The following AARS2 variants were observed in gnomAD, a reference collection of about 807,000 sequenced individuals.
AARS2 encodes alanine--tRNA ligase, mitochondrial.
AARS2 carries 78 observed loss-of-function variants against 119.7 expected under a neutral mutation model. The observed-to-expected ratio is 0.65, with a 90% confidence interval of 0.54 to 0.79. The LOEUF (loss-of-function observed/expected upper bound fraction) is 0.79. AARS2 is among the 30% of genes least tolerant of loss of function. The probability of loss-of-function intolerance (pLI) is 0.00; values close to 1 mark genes in which losing one functional copy is unlikely to be tolerated. For missense variants in AARS2, 1,157 were observed against 1,291.3 expected, an observed-to-expected ratio of 0.90 and a Z score of 1.59; for synonymous variants, 502 against 526.3, an observed-to-expected ratio of 0.95 and a Z score of 0.63.
chr6:44,300,897 A>G, intron 21 of AARS2, 186 bp from the exon 22 acceptor site: 1 of 781,856 alleles, frequency 1.3e-6, no homozygotes, highest in South Asian at 1.6e-5. Context: ...AGGTGTATGA[A>G]CGTGAACATC....
chr6:44,305,130 C>T lies in AARS2; in HGVS notation c.1503G>A (p.Glu501=), dbSNP rs1785726904. Residue 501 remains glutamate, a synonymous_variant, in exon 11 of 22, where the codon GAG becomes GAA. Transcript: ENST00000244571. The surrounding 1 kb of genome is among the most constrained non-coding windows in gnomAD (Gnocchi z 4.6). The stretch of plus-strand genomic sequence containing the variant: ...TTGGGGGCACTCCTTGGCGCTGCAG[C>T]TCCCCAAGCGCATGGACATCAAGCC... ...GLWLDVHALG[E]LQRQGVPPTD... is the part of the protein sequence containing the mutation. 1.9e-6 allele frequency: 3 copies of T among 1,613,834 alleles called. No individual in the cohort carries two copies. Among genetic ancestry groups the T allele is most frequent in the Non-Finnish European group, 2.5e-6 (3 of 1,180,044 alleles).
chr6:44,302,368 G>A (rs1785433705), intron 18 of AARS2, 23 bp downstream of exon 18: 4 of 1,614,010 alleles, frequency 2.5e-6, no homozygotes, highest in Non-Finnish European at 3.4e-6. Context: ...AGGAGAGGGT[G>A]GGGTGGTAGG....
rs376016809 is a variant in AARS2, at chr6:44,306,944, T to A, written c.1128A>T (p.Val376=). ...TTACCAGTGTCTCCACCACTACAGGTACCAGGCTGCCTAGGAAGCCAGGTG... is the reference window on the plus strand; with the variant it reads ...TTACCAGTGTCTCCACCACTACAGGAACCAGGCTGCCTAGGAAGCCAGGTG... The part of the protein sequence containing the change: ...KAPPGFLGSL[V]PVVVETLGDA... Residue 376 remains valine, a synonymous_variant, in exon 7 of 22, where the codon GTA becomes GTT. Transcript: ENST00000244571. 10 of 1,613,868 alleles carry A rather than the reference T, an allele frequency of 6.2e-6. No individual in the cohort carries two copies. The highest frequency in any genetic ancestry group is 7.6e-6 in the Non-Finnish European group (9 of 1,179,820).
intron 1 of AARS2, 96 bp downstream of exon 1, chr6:44,312,985 A>G (rs889225431): frequency 1.3e-5 from 20 of 1,560,158 alleles, no homozygotes; most frequent in Non-Finnish European, 1.6e-5. Context: ...AAAAGCTACG[A>G]ACTCCGCCTC....
Position 44,306,335 on chromosome 6 carries a change from A to G in AARS2, c.1245T>C (p.Gly415=). 6.2e-7 allele frequency: 1 copy of G among 1,614,014 alleles called. No homozygotes were observed. Among genetic ancestry groups the G allele is most frequent in the South Asian group, 1.1e-5 (1 of 91,080 alleles). The change falls in exon 9 of 22, where the codon GGT becomes GGC. Residue 415 remains glycine (G), a synonymous_variant. Coordinates refer to ENST00000244571, the MANE Select transcript of AARS2 (RefSeq NM_020745.4). ...EAAFLASLER[G]RRIIDRTLRT... ...TCAGAGTCCGATCAATGATCCGCCT[A>G]CCCCGCTCCAGGGAGGCCAGGAAGG...
chr6:44,304,476 C>T lies in AARS2; in HGVS notation c.1810G>A (p.Ala604Thr). 6.2e-7 allele frequency: 1 copy of T among 1,614,188 alleles called. No homozygotes were observed. Residue 604 changes from alanine to threonine, a missense_variant, in exon 13 of 22, where the codon GCA (alanine) becomes ACA (threonine). Ala to Thr is a moderately conservative substitution (Grantham distance 58). Transcript: ENST00000244571. ...QVCGGFILHE[A>T]VAPECLRLGD... ...AACCGCAGGCACTCAGGGGCTACTG[C>T]CTCATGCAGGATGAAACCTCCACAG...
chr6:44,305,933 G>A lies in AARS2; in HGVS notation c.1301-147C>T. 1 of 1,014,976 alleles carries A rather than the reference G, an allele frequency of 9.9e-7. No individual in the cohort carries two copies. The allele number at this position is 1,014,976 out of a possible 1,614,324, so 62.9% of individuals were successfully genotyped here. A position where few individuals can be genotyped will look rare whatever the true frequency, so the allele number is the denominator to read the frequency against. ...CGCTCCATACTGGGTAGCCTCAGGA[G>A]AGGGGTCACATTCAGGCTTCATGCC... On this transcript the variant is annotated intron_variant, in intron 9 of 21. Transcript: ENST00000244571. This position sits in a 1 kb window ranked among gnomAD's most constrained non-coding sequence, Gnocchi z 4.6.
rs1785983576 is a variant in AARS2 at position 44,307,692 on chromosome 6, G to A, written c.895-298C>T. The A allele has an allele frequency of 2.0e-6, 1 of 489,238 alleles. No homozygotes were observed. Among genetic ancestry groups the A allele is most frequent in the African/African-American group, 1.9e-5 (1 of 51,632 alleles). The allele number at this position is 489,238 out of a possible 1,614,324, so 30.3% of individuals were successfully genotyped here. ...CGAATCCCCAAAACAGCCCATTCCA[G>A]GAGGTATTAGCATGCTTGCTTTAAA... On this transcript the variant is annotated intron_variant, in intron 5 of 21. Coordinates refer to ENST00000244571, the MANE Select transcript of AARS2 (RefSeq NM_020745.4). The surrounding 1 kb of genome is among the most constrained non-coding windows in gnomAD (Gnocchi z 4.4).
At chr6:44,312,977 A>C in intron 1 of AARS2, 104 bp downstream of exon 1, 1 of 1,539,916 alleles carries the variant, frequency 6.5e-7, no homozygotes, top group Non-Finnish European at 8.8e-7. Context: ...CTTTCCCCAA[A>C]AGCTACGAAC....
At chr6:44,300,740 T>A in intron 21 of AARS2, 29 bp from the exon 22 acceptor site, 2 of 1,607,986 alleles carry the variant, frequency 1.2e-6, no homozygotes, top group Admixed American at 1.7e-5. Flanking sequence ...GAGGAAGCGA[T>A]GCAGAGTGGC....
rs749188424 is a variant in AARS2, at chr6:44,307,320, C to T, written c.969G>A (p.Val323=). The T allele has an allele frequency of 7.4e-6, 12 of 1,613,702 alleles. No homozygotes were observed. In the South Asian group the frequency reaches 1.2e-4, roughly 16 times the overall value. ...TGAGTGTGCGGATGTGGTCAGCCAC[C>T]ACGCGGTACGCTGTGTCTGTGCGCC... is the stretch of plus-strand genomic sequence containing the variant. The part of the protein sequence containing the change: ...DEGRTDTAYR[V]VADHIRTLSV... The change falls in exon 6 of 22, where the codon GTG becomes GTA. Residue 323 remains valine, a synonymous_variant. Coordinates refer to ENST00000244571, the MANE Select transcript of AARS2 (RefSeq NM_020745.4). This position sits in a 1 kb window ranked among gnomAD's most constrained non-coding sequence, Gnocchi z 4.4.
chr6:44,301,949 C>T (rs1583049436), intron 19 of AARS2, 111 bp downstream of exon 19: 2 of 1,121,134 alleles, frequency 1.8e-6, no homozygotes, highest in Non-Finnish European at 2.6e-6. Flanking sequence ...GCTGCCACCA[C>T]CCCGTCCTTG....
Position 44,305,219 on chromosome 6 carries a change from T to A in AARS2, c.1435-21A>T, listed in dbSNP as rs569561044. 6.8e-6 allele frequency: 11 copies of A among 1,608,824 alleles called. No individual in the cohort carries two copies. Among genetic ancestry groups the A allele is most frequent in the Non-Finnish European group, 9.3e-6 (11 of 1,179,976 alleles). ...CGGTGCTGCAGGGTGGGCATGGGCA[T>A]GGAAGAAGTGCATGGAGAATGAAAG... On this transcript the variant is annotated intron_variant, in intron 10 of 21. Transcript: ENST00000244571. The surrounding 1 kb of genome is among the most constrained non-coding windows in gnomAD (Gnocchi z 4.6).
intron 5 of AARS2, among the ~76,000 whole-genome samples, chr6:44,308,893 T>C (rs1192082391): frequency 1.3e-5 from 2 of 152,136 alleles, no homozygotes; most frequent in Non-Finnish European, 2.9e-5. Flanking sequence ...TGAGCCACCG[T>C]GCCCAGCCCT....
chr6:44,303,426 G>A lies in AARS2; in HGVS notation c.2008-3C>T. The A allele has an allele frequency of 6.2e-7, 1 of 1,613,924 alleles. No individual in the cohort carries two copies. Among genetic ancestry groups the A allele is most frequent in the Non-Finnish European group, 8.5e-7 (1 of 1,180,036 alleles). ...AGCTGCTCTGGGGTCAATGGGGTCTGGAGGGGTGGGGAGGAAATGGAAAGA... is the reference window on the plus strand; with the variant it reads ...AGCTGCTCTGGGGTCAATGGGGTCTAGAGGGGTGGGGAGGAAATGGAAAGA... On this transcript the variant is annotated splice_polypyrimidine_tract_variant and splice_region_variant and intron_variant, in intron 14 of 21. Coordinates refer to ENST00000244571, the MANE Select transcript of AARS2 (RefSeq NM_020745.4).
In AARS2 at chr6:44,302,400, T is replaced by G. The variant is rs1434298943; in HGVS notation, c.2478A>C (p.Arg826=). The G allele has an allele frequency of 1.2e-6, 2 of 1,613,428 alleles. No homozygotes were observed. Among genetic ancestry groups the G allele is most frequent in the Non-Finnish European group, 1.7e-6 (2 of 1,179,900 alleles). The change falls in exon 18 of 22, where the codon CGA becomes CGC. Residue 826 remains arginine, a synonymous_variant. Coordinates refer to ENST00000244571, the MANE Select transcript of AARS2 (RefSeq NM_020745.4). ...EALRLSKDIG[R]LIEAVETAVM... is the part of the protein sequence containing the mutation. ...TAGGCGTGGCCCTCACTTCAATGAG[T>G]CGTCCTATGTCCTTGGACAGCCTCA... is the stretch of plus-strand genomic sequence containing the variant.
intron 7 of AARS2, 132 bp from the exon 8 acceptor site, chr6:44,306,664 A>T: frequency 8.7e-7 from 1 of 1,149,160 alleles, no homozygotes. Flanking sequence ...AGGGACTCAA[A>T]TGGGGAACTG....
In AARS2 at chr6:44,307,441, G is replaced by A; in HGVS notation, c.895-47C>T. The A allele has an allele frequency of 1.3e-6, 2 of 1,561,320 alleles. No individual in the cohort carries two copies. Among genetic ancestry groups the A allele is most frequent in the Non-Finnish European group, 8.6e-7 (1 of 1,156,898 alleles). ...CAGTGGCCCTGCCTGACCTGGCCCAGGTGGGTGCTCTTTATCGCCTCTAGA... is the reference window on the plus strand; with the variant it reads ...CAGTGGCCCTGCCTGACCTGGCCCAAGTGGGTGCTCTTTATCGCCTCTAGA... On this transcript the variant is annotated intron_variant, in intron 5 of 21. Coordinates refer to ENST00000244571, the MANE Select transcript of AARS2 (RefSeq NM_020745.4). The surrounding 1 kb of genome is among the most constrained non-coding windows in gnomAD (Gnocchi z 4.4).
intron 5 of AARS2, 27 bp downstream of exon 5, chr6:44,310,272 G>C (rs1468110921): frequency 6.4e-7 from 1 of 1,572,134 alleles, no homozygotes; most frequent in Admixed American, 1.9e-5. Flanking sequence ...CAGGTTAGAG[G>C]GCTTCTGGAA....
Sources: gnomAD v4.1 joint callset for allele counts (sites outside exome capture counted in the v4.1 genomes callset) on GRCh38, gnomAD v4.1.1 for gene constraint, Gnocchi (gnomAD v3.1) non-coding constraint, MANE v1.5 for transcripts, NCBI Gene and HGNC (gene_info 2026-07-23, HGNC 2026-07-21) for gene names.